Variants in XIRP2 observed in about 807,000 individuals in gnomAD.
XIRP2 encodes xin actin-binding repeat-containing protein 2.
XIRP2 carries 236 observed loss-of-function variants against 277.0 expected under a neutral mutation model. The observed-to-expected ratio is 0.85, with a 90% CI of 0.77 to 0.95. The LOEUF (loss-of-function observed/expected upper bound fraction) is 0.95, where lower values mean the gene tolerates loss of function less well. XIRP2 is among the 40% of genes least tolerant of loss of function. The probability of loss-of-function intolerance (pLI) is 0.00; values close to 1 mark genes in which losing one functional copy is unlikely to be tolerated. For missense variants in XIRP2, 4,640 were observed against 4,157.5 expected (o/e 1.12, Z -3.19); for synonymous variants, 1,490 against 1,416.5 (o/e 1.05, Z -1.17).
At chr2:167,107,305 A>G (rs1388980079) in intron 2 of XIRP2, among the ~76,000 whole-genome samples, 2 of 151,570 alleles carry the variant, frequency 1.3e-5, no homozygotes, top group African/African-American at 2.4e-5. Context: ...AAAAGCATTC[A>G]GCCTTCACCA....
In XIRP2 at chr2:167,243,515, A is replaced by G; in HGVS notation, c.2123A>G (p.His708Arg). 1 of 1,614,092 alleles carries G rather than the reference A, an allele frequency of 6.2e-7. No homozygotes were observed. The highest frequency in any genetic ancestry group is 8.5e-7 in the Non-Finnish European group (1 of 1,179,980). Residue 708 changes from histidine to arginine, a missense_variant, in exon 9 of 11, where the codon CAT becomes CGT. Physicochemically the swap from His to Arg is conservative, Grantham distance 29. Transcript: ENST00000409195. ...TQHLDQLGQLHSVDEVHLLQL... is the reference protein window; with the variant it reads ...TQHLDQLGQLRSVDEVHLLQL... Reference sequence around the variant, plus strand: ...CATCTAGATCAACTTGGACAGCTTCATTCAGTGGATGAGGTTCATTTACTG... The same window carrying G: ...CATCTAGATCAACTTGGACAGCTTCGTTCAGTGGATGAGGTTCATTTACTG...
intron 2 of XIRP2, among the ~76,000 whole-genome samples, chr2:166,931,977 A>G (rs1685352864): frequency 1.3e-5 from 2 of 152,092 alleles, no homozygotes; most frequent in Non-Finnish European, 2.9e-5. Context: ...TAATATTCTT[A>G]TTTTGGTTTT....
At position 167,244,615 on chromosome 2, in the gene XIRP2, G is replaced by T. The variant is rs1230606784; in HGVS notation, c.3223G>T (p.Glu1075Ter). The T allele has an allele frequency of 8.1e-6, 13 of 1,612,632 alleles. No individual in the cohort carries two copies. The highest frequency in any genetic ancestry group is 1.3e-5 in the African/African-American group (1 of 74,826). ...AATTAAATATTTTAGTGATGTGGAA[G>T]AAACAGAAAGTAAAACTGAACAAAC... ...DSIKYFSDVE[E>*]TESKTEQTRD... The change falls in exon 9 of 11, where the codon GAA becomes TAA. Residue 1075 changes from glutamate (E) to a stop codon, truncating the protein, a stop_gained. Coordinates refer to ENST00000409195, the MANE Select transcript of XIRP2 (RefSeq NM_152381.6). LOFTEE classifies it high-confidence loss of function.
chr2:167,239,838 T>C lies in XIRP2; in HGVS notation c.859-17T>C, dbSNP rs183366510. 131 of 1,588,536 alleles carry C rather than the reference T, an allele frequency of 8.2e-5. No individual in the cohort carries two copies. The East Asian group carries it at 2.7e-3, about 33-fold the overall frequency. On this transcript the variant is annotated splice_polypyrimidine_tract_variant and intron_variant, in intron 5 of 10. Transcript: ENST00000409195. ...TACTTTTCTTAAGGCATTGTCTGTCTGTCTGTGTGCTTTCAGGAGGCAATT... is the reference window on the plus strand; with the variant it reads ...TACTTTTCTTAAGGCATTGTCTGTCCGTCTGTGTGCTTTCAGGAGGCAATT...
intron 2 of XIRP2, among the ~76,000 whole-genome samples, chr2:167,080,527 A>C (rs147291229): frequency 8.0e-4 from 122 of 152,322 alleles, no homozygotes; most frequent in African/African-American, 2.8e-3. Context: ...AGTATTGTAA[A>C]GATGGGCATG....
At position 167,247,957 on chromosome 2, in the gene XIRP2, A is replaced by C. The variant is rs1374842444; in HGVS notation, c.6565A>C (p.Lys2189Gln). Residue 2189 changes from lysine to glutamine, a missense_variant, in exon 9 of 11, where the codon AAG (lysine) becomes CAG (glutamine). Physicochemically the swap from Lys to Gln is moderately conservative, Grantham distance 53. Transcript: ENST00000409195. ...SGDFQKQTLL[K>Q]QETKYSNKDI... ...GGACTTTCAGAAGCAAACTTTGTTAAAGCAAGAAACAAAATATTCTAATAA... is the reference window on the plus strand; with the variant it reads ...GGACTTTCAGAAGCAAACTTTGTTACAGCAAGAAACAAAATATTCTAATAA... 6.2e-7 allele frequency: 1 copy of C among 1,608,894 alleles called. No homozygotes were observed. The highest frequency in any genetic ancestry group is 8.5e-7 in the Non-Finnish European group (1 of 1,178,634).
intron 5 of XIRP2, among the ~76,000 whole-genome samples, chr2:167,222,666 G>GT (rs1694467802): frequency 6.6e-6 from 1 of 152,110 alleles, no homozygotes; most frequent in Non-Finnish European, 1.5e-5. Flanking sequence ...TCCACTCACT[G>GT]TAACAGTCTC....
At position 167,249,636 on chromosome 2, in the gene XIRP2, T is replaced by G; in HGVS notation, c.8244T>G (p.Tyr2748Ter). 1 of 1,613,374 alleles carries G rather than the reference T, an allele frequency of 6.2e-7. No individual in the cohort carries two copies. Among genetic ancestry groups the G allele is most frequent in the Non-Finnish European group, 8.5e-7 (1 of 1,179,778 alleles). Reference protein sequence around the residue: ...IDVQTFTKKQYLKTKKTEAST... With the variant: ...IDVQTFTKKQ ...TTCAAACCTTTACCAAAAAACAATATCTGAAAACCAAGAAAACTGAAGCAA... is the reference window on the plus strand; with the variant it reads ...TTCAAACCTTTACCAAAAAACAATAGCTGAAAACCAAGAAAACTGAAGCAA... The change falls in exon 9 of 11, where the codon TAT (tyrosine) becomes TAG (stop). Residue 2748 changes from tyrosine to a stop codon, truncating the protein, a stop_gained. Transcript: ENST00000409195. LOFTEE classifies it high-confidence loss of function.
intron 2 of XIRP2, among the ~76,000 whole-genome samples, chr2:167,019,196 C>G (rs1473449005): frequency 6.6e-6 from 1 of 151,916 alleles, no homozygotes; most frequent in Non-Finnish European, 1.5e-5. Flanking sequence ...TTTAAGACTT[C>G]AAAGTGATTT....
chr2:166,959,637 A>G (rs1686251424), intron 2 of XIRP2, among the ~76,000 whole-genome samples: 1 of 151,862 alleles, frequency 6.6e-6, no homozygotes, highest in Non-Finnish European at 1.5e-5. Flanking sequence ...TCTTTTGAAT[A>G]TAGAAATTCT....
intron 3 of XIRP2, among the ~76,000 whole-genome samples, chr2:167,181,475 C>A (rs1450185415): frequency 6.6e-6 from 1 of 152,160 alleles, no homozygotes; most frequent in Admixed American, 6.6e-5. Context: ...TCTTGTTTTT[C>A]TTCAAATTCT....
intron 2 of XIRP2, among the ~76,000 whole-genome samples, chr2:167,050,570 A>T (rs1688889982): frequency 6.6e-6 from 1 of 151,978 alleles, no homozygotes; most frequent in Admixed American, 6.6e-5. Context: ...ACGGCAAGGG[A>T]TGGCAGTCTA....
Position 167,245,695 on chromosome 2 carries a change from T to C in XIRP2, c.4303T>C (p.Tyr1435His). ...GTCTGAAAATTTTGATAAGAATAAC[T>C]ATATACGAACAGTAAGTGTCAATGA... ...FESENFDKNN[Y>H]IRTVSVNEIQ... Residue 1435 changes from tyrosine to histidine, a missense_variant, in exon 9 of 11, where the codon TAT becomes CAT. Transcript: ENST00000409195. The C allele has an allele frequency of 1.2e-6, 2 of 1,613,562 alleles. No individual in the cohort carries two copies. Among genetic ancestry groups the C allele is most frequent in the Non-Finnish European group, 1.7e-6 (2 of 1,179,690 alleles).
intron 4 of XIRP2, among the ~76,000 whole-genome samples, 175 bp from the exon 5 acceptor site, chr2:167,217,991 C>T (rs146701670): frequency 5.5e-4 from 83 of 152,108 alleles, no homozygotes; most frequent in African/African-American, 1.9e-3. Flanking sequence ...GAAAACAACC[C>T]AGAGAGAATA....
chr2:166,910,108 G>C (rs6754650), intron 2 of XIRP2, among the ~76,000 whole-genome samples: 1 of 151,996 alleles, frequency 6.6e-6, no homozygotes, highest in Admixed American at 6.6e-5. Context: ...CTTTGGTATC[G>C]CGATGATGCT....
In XIRP2 at chr2:167,082,473, G is replaced by A. The variant is rs1029618863; in HGVS notation, c.409-53436G>A. ...TGGGTATATACCCAGTAATGGGATG[G>A]CTGGGTCAAATGGTATTTCTAGTTC... On this transcript the variant is annotated intron_variant, in intron 2 of 10. Transcript: ENST00000409195. 2.6e-5 allele frequency among the ~76,000 whole-genome samples: 4 copies of A among 152,020 alleles called. No individual in the cohort carries two copies. In the East Asian group the frequency reaches 7.8e-4, roughly 30 times the overall value.
Position 167,250,033 on chromosome 2 carries a change from G to A in XIRP2, c.8641G>A (p.Ala2881Thr). ...QTQIQTAESK[A>T]EHKKLPQPYN... ...ACAAATACAGACCGCTGAAAGTAAA[G>A]CTGAACATAAAAAATTGCCCCAGCC... The change falls in exon 9 of 11, where the codon GCT becomes ACT. Residue 2881 changes from alanine (A) to threonine (T), a missense_variant. By Grantham distance (58) the Ala-to-Thr change is moderately conservative. Coordinates refer to ENST00000409195, the MANE Select transcript of XIRP2 (RefSeq NM_152381.6). 1 of 1,613,506 alleles carries A rather than the reference G, an allele frequency of 6.2e-7. No individual in the cohort carries two copies. Among genetic ancestry groups the A allele is most frequent in the Non-Finnish European group, 8.5e-7 (1 of 1,179,660 alleles).
chr2:166,975,838 A>G (rs1686700046), intron 2 of XIRP2, among the ~76,000 whole-genome samples: 1 of 147,080 alleles, frequency 6.8e-6, no homozygotes, highest in African/African-American at 2.5e-5. Flanking sequence ...AGGCAGGAGA[A>G]GAGAATGGCG....
At chr2:167,148,050 C>T (rs1048917210) in intron 3 of XIRP2, among the ~76,000 whole-genome samples, 1 of 151,852 alleles carries the variant, frequency 6.6e-6, no homozygotes, top group Non-Finnish European at 1.5e-5. Flanking sequence ...TTTTAAACTA[C>T]TAGACAAAAA....
Sources: gnomAD v4.1 joint callset for allele counts (sites outside exome capture counted in the v4.1 genomes callset) on GRCh38, gnomAD v4.1.1 for gene constraint, MANE v1.5 for transcripts, NCBI Gene and HGNC (gene_info 2026-07-23, HGNC 2026-07-21) for gene names.